Variants in CPNE4 observed in about 807,000 individuals in gnomAD.
CPNE4 encodes the protein copine 4.
Under a neutral mutation model 67.9 loss-of-function variants are expected in CPNE4, and 25 were observed. That is an observed-to-expected ratio of 0.37 (90% CI 0.27 to 0.51). CPNE4 has a LOEUF of 0.51. CPNE4 is among the 20% of genes least tolerant of loss of function. CPNE4 has a pLI of 0.93. For synonymous variants in CPNE4, 242 were observed against 244.9 expected (o/e 0.99, Z 0.11); for missense variants, 464 against 690.8 (o/e 0.67, Z 3.68).
At chr3:131,998,206 A>G (rs775600800) in intron 1 of CPNE4, among the ~76,000 whole-genome samples, 3 of 152,128 alleles carry the variant, frequency 2.0e-5, no homozygotes, top group Non-Finnish European at 4.4e-5. Context: ...TTGAACCTCA[A>G]AGATCCCCTG....
At chr3:132,031,124 C>A (rs956666662) in intron 1 of CPNE4, among the ~76,000 whole-genome samples, 1 of 152,174 alleles carries the variant, frequency 6.6e-6, no homozygotes, top group African/African-American at 2.4e-5. Flanking sequence ...TTGCCATCTA[C>A]ATTCAATCAG....
chr3:131,841,099 G>A lies in CPNE4; in HGVS notation c.180+64165C>T, dbSNP rs368646497. 1.6e-4 allele frequency among the ~76,000 whole-genome samples: 25 copies of A among 152,246 alleles called. 1 individual carries two copies. The highest frequency in any genetic ancestry group is 6.0e-4 in the African/African-American group (25 of 41,538). On this transcript the variant is annotated intron_variant, in intron 2 of 15. Coordinates refer to ENST00000429747, the MANE Select transcript of CPNE4 (RefSeq NM_130808.3). ...TAGACAGAACCATCAAGCCACTTCA[G>A]GAAGAGAGGAGTTACATAGGAAGTA...
chr3:131,945,563 C>T (rs2071528298), intron 1 of CPNE4, among the ~76,000 whole-genome samples: 1 of 152,202 alleles, frequency 6.6e-6, no homozygotes, highest in South Asian at 2.1e-4. Context: ...GAAACTTTCT[C>T]AGGGCTCAAC....
chr3:131,924,644 C>G (rs1279564093), intron 1 of CPNE4, among the ~76,000 whole-genome samples: 2 of 152,038 alleles, frequency 1.3e-5, no homozygotes, highest in African/African-American at 4.8e-5. Flanking sequence ...TAATATGCAT[C>G]AAAATTTGAA....
chr3:131,894,263 A>C (rs1045158511), intron 2 of CPNE4, among the ~76,000 whole-genome samples: 11 of 151,982 alleles, frequency 7.2e-5, no homozygotes, highest in Non-Finnish European at 1.5e-4. Context: ...TGATGGCCTT[A>C]CTGCTGAATC....
At chr3:131,834,979 A>C (rs2085500842) in intron 2 of CPNE4, among the ~76,000 whole-genome samples, 1 of 152,218 alleles carries the variant, frequency 6.6e-6, no homozygotes, top group Non-Finnish European at 1.5e-5. Flanking sequence ...CTAGTAATAA[A>C]AATAGAATGA....
At chr3:131,801,452 GTATATATATA>G (rs71136416) in intron 2 of CPNE4, among the ~76,000 whole-genome samples, 6 of 53,384 alleles carry the variant, frequency 1.1e-4, no homozygotes, top group Admixed American at 6.6e-4. Flanking sequence ...GTGTGTGTGT[GTATATATATA>G]TATATATATA....
At chr3:131,746,686 G>T (rs1004616126) in intron 2 of CPNE4, among the ~76,000 whole-genome samples, 15 of 152,162 alleles carry the variant, frequency 9.9e-5, no homozygotes, top group Middle Eastern at 6.8e-3. Context: ...TGGACATTTA[G>T]GTTTATTCCA....
intron 2 of CPNE4, among the ~76,000 whole-genome samples, chr3:131,794,860 T>C (rs1289161329): frequency 1.3e-5 from 2 of 152,146 alleles, no homozygotes; most frequent in African/African-American, 4.8e-5. Flanking sequence ...GATGAAAGCT[T>C]GGGGAATGAA....
At chr3:131,906,614 G>A (rs2088777298) in intron 1 of CPNE4, among the ~76,000 whole-genome samples, 1 of 151,798 alleles carries the variant, frequency 6.6e-6, no homozygotes, top group Admixed American at 6.6e-5. Context: ...AGTATTCCAT[G>A]GTGTGTATGT....
chr3:131,866,675 G>A (rs1418181637), intron 2 of CPNE4, among the ~76,000 whole-genome samples: 5 of 152,134 alleles, frequency 3.3e-5, no homozygotes, highest in Non-Finnish European at 7.3e-5. Flanking sequence ...AATCGGGTAG[G>A]CACTAGAAAT....
chr3:131,692,993 T>C (rs1334369484), intron 5 of CPNE4, among the ~76,000 whole-genome samples: 2 of 152,186 alleles, frequency 1.3e-5, no homozygotes, highest in African/African-American at 4.8e-5. Context: ...GCTTTACAAG[T>C]TAGAAAGTCC....
chr3:131,823,649 A>T (rs2085045317), intron 2 of CPNE4, among the ~76,000 whole-genome samples: 2 of 152,234 alleles, frequency 1.3e-5, no homozygotes, highest in African/African-American at 4.8e-5. Context: ...GGAGTTGCAA[A>T]GTCACATTGC....
intron 8 of CPNE4, among the ~76,000 whole-genome samples, chr3:131,582,605 T>A (rs1937910332): frequency 6.6e-6 from 1 of 152,178 alleles, no homozygotes; most frequent in African/African-American, 2.4e-5. Flanking sequence ...CATGCATTTG[T>A]GTAGCTCCCT....
intron 2 of CPNE4, among the ~76,000 whole-genome samples, chr3:131,841,164 G>C (rs1583304204): frequency 6.6e-6 from 1 of 152,148 alleles, no homozygotes; most frequent in South Asian, 2.1e-4. Context: ...GCAGAAAAAA[G>C]GATAGGGAAT....
intron 6 of CPNE4, among the ~76,000 whole-genome samples, chr3:131,683,398 G>C (rs2080805778): frequency 6.6e-6 from 1 of 152,174 alleles, no homozygotes. Flanking sequence ...TTTTGGCCCA[G>C]GGTTTGTCTA....
intron 1 of CPNE4, among the ~76,000 whole-genome samples, chr3:131,965,795 T>G (rs1277059270): frequency 1.3e-5 from 2 of 152,192 alleles, no homozygotes; most frequent in African/African-American, 4.8e-5. Flanking sequence ...AACACCCCAC[T>G]GTCACTATTA....
intron 2 of CPNE4, among the ~76,000 whole-genome samples, chr3:131,878,679 G>T (rs1213639766): frequency 6.6e-6 from 1 of 152,172 alleles, no homozygotes; most frequent in African/African-American, 2.4e-5. Flanking sequence ...ATCTCATGCT[G>T]ATTAGATGAT....
chr3:131,706,600 G>C (rs1278934210), intron 3 of CPNE4, among the ~76,000 whole-genome samples: 4 of 152,186 alleles, frequency 2.6e-5, no homozygotes, highest in African/African-American at 9.6e-5. Flanking sequence ...GGGGGAGTCA[G>C]ACATGCCTCA....
Sources: allele counts gnomAD v4.1 joint callset (sites outside exome capture counted in the v4.1 genomes callset), GRCh38; gene constraint gnomAD v4.1.1; transcripts MANE v1.5; gene names NCBI Gene and HGNC (gene_info 2026-07-23, HGNC 2026-07-21).